Variants in SEMA3D observed in about 807,000 individuals in gnomAD.
The protein encoded by SEMA3D is semaphorin 3D, also known as semaphorin-3D.
A neutral mutation model predicts 100.1 loss-of-function variants in SEMA3D; 84 were observed. That is an observed-to-expected ratio of 0.84 (90% CI 0.70 to 1.01). The LOEUF (loss-of-function observed/expected upper bound fraction) is 1.01. Among genes scored for constraint, SEMA3D ranks in the 50% least tolerant of loss-of-function variants. SEMA3D has a pLI of 0.00. For synonymous variants in SEMA3D, 312 were observed against 320.7 expected (o/e 0.97, Z 0.29); for missense variants, 875 against 934.1 (o/e 0.94, Z 0.82).
At chr7:85,228,388 A>T in the SEMA3D span, among the ~76,000 whole-genome samples, 2 of 152,132 alleles carry the variant, frequency 1.3e-5, no homozygotes, top group Non-Finnish European at 2.9e-5. Context: ...AAAATATTTT[A>T]TCATTCACTA....
chr7:85,095,781 C>A lies in SEMA3D; in HGVS notation c.312+2024G>T, dbSNP rs185297517. ...GAAATATCAGTTATGTAGATAACAT[C>A]TAATTTCATAATGTATTCAAACAAC... On this transcript the variant is annotated intron_variant, in intron 4 of 18. Transcript: ENST00000284136. Among the ~76,000 whole-genome samples, 244 of 152,058 alleles carry A rather than the reference C, an allele frequency of 1.6e-3. 1 individual carries two copies. The highest frequency in any genetic ancestry group is 1.6e-3 in the Non-Finnish European group (112 of 67,934).
At chr7:85,244,871 C>A in the SEMA3D span, among the ~76,000 whole-genome samples, 1 of 151,868 alleles carries the variant, frequency 6.6e-6, no homozygotes, top group Non-Finnish European at 1.5e-5. Flanking sequence ...CCACCACTCC[C>A]GGCTAATTTT....
At chr7:85,243,484 A>G in the SEMA3D span, among the ~76,000 whole-genome samples, 1 of 152,112 alleles carries the variant, frequency 6.6e-6, no homozygotes, top group Admixed American at 6.6e-5. Context: ...TGCTCTGTAA[A>G]TTGTGATTCT....
chr7:85,094,902 AG>A (rs1788504704), intron 4 of SEMA3D, among the ~76,000 whole-genome samples: 2 of 151,976 alleles, frequency 1.3e-5, no homozygotes, highest in African/African-American at 4.8e-5. Flanking sequence ...TTTAAGTCTA[AG>A]TCCCTATAGA....
At chr7:85,199,736 T>A in the SEMA3D span, among the ~76,000 whole-genome samples, 1 of 152,248 alleles carries the variant, frequency 6.6e-6, no homozygotes, top group African/African-American at 2.4e-5. Context: ...TTGATACTGT[T>A]AATTTTGAAT....
intron 3 of SEMA3D, among the ~76,000 whole-genome samples, chr7:85,107,420 G>A (rs1006470852): frequency 6.6e-6 from 1 of 151,968 alleles, no homozygotes; most frequent in Non-Finnish European, 1.5e-5. Context: ...TGTTCTCTTC[G>A]ATTTCAGGTA....
At chr7:85,193,868 AC>A in the SEMA3D span, among the ~76,000 whole-genome samples, 1 of 117,412 alleles carries the variant, frequency 8.5e-6, no homozygotes. Context: ...TATAAACCAT[AC>A]TAAAGGAAAA....
intron 1 of SEMA3D, among the ~76,000 whole-genome samples, chr7:85,170,824 C>A (rs1377302555): frequency 1.3e-5 from 2 of 151,976 alleles, no homozygotes; most frequent in African/African-American, 4.8e-5. Context: ...CAAGTCCTAG[C>A]ATTTCAAGTT....
rs1789606734 is a variant in SEMA3D, at chr7:84,999,816, C to T, written c.1958G>A (p.Arg653Gln). 9 of 1,613,948 alleles carry T rather than the reference C, an allele frequency of 5.6e-6. No homozygotes were observed. The highest frequency in any genetic ancestry group is 4.5e-5 in the East Asian group (2 of 44,862). Residue 653 changes from arginine to glutamine, a missense_variant, in exon 19 of 19, where the codon CGA (arginine) becomes CAA (glutamine). Transcript: ENST00000284136. ...IIKTEYGLLI[R>Q]SLQKKDSGMY... is the part of the protein sequence containing the mutation. The stretch of plus-strand genomic sequence containing the variant: ...CCCAGAATCCTTCTTCTGCAAACTT[C>T]GAATCAGTAGCCCATATTCCGTTTT...
intron 6 of SEMA3D, 68 bp downstream of exon 6, chr7:85,072,894 A>G (rs1791814652): frequency 4.3e-5 from 56 of 1,309,000 alleles, no homozygotes; most frequent in Non-Finnish European, 5.8e-5. Flanking sequence ...TGCCTGTTTT[A>G]TGTCATAGGA....
At chr7:85,141,488 C>G (rs1288861824) in intron 2 of SEMA3D, 1 of 984,894 alleles carries the variant, frequency 1.0e-6, no homozygotes, top group Non-Finnish European at 1.2e-6. Context: ...GGACATGATG[C>G]ATGTCCTCCC....
chr7:85,082,361 T>A (rs1253389338), intron 4 of SEMA3D, among the ~76,000 whole-genome samples: 1 of 152,224 alleles, frequency 6.6e-6, no homozygotes, highest in Non-Finnish European at 1.5e-5. Flanking sequence ...GCTTTTTTCT[T>A]TCTTTTAAAT....
intron 8 of SEMA3D, among the ~76,000 whole-genome samples, chr7:85,064,564 T>C (rs1246826811): frequency 2.6e-5 from 4 of 152,138 alleles, no homozygotes; most frequent in East Asian, 1.9e-4. Flanking sequence ...GATAGAGAGA[T>C]AGACCCTAGG....
intron 2 of SEMA3D, among the ~76,000 whole-genome samples, chr7:85,149,660 A>G (rs1790311084): frequency 6.6e-6 from 1 of 152,134 alleles, no homozygotes; most frequent in Non-Finnish European, 1.5e-5. Flanking sequence ...TAAAGAAGAT[A>G]CTGAGCTTTT....
At chr7:85,126,826 C>T (rs548023806) in intron 2 of SEMA3D, among the ~76,000 whole-genome samples, 2 of 152,162 alleles carry the variant, frequency 1.3e-5, no homozygotes, top group African/African-American at 4.8e-5. Flanking sequence ...ATTATTTATT[C>T]CATTGATCAA....
At chr7:85,008,140 A>G (rs1483278747) in intron 17 of SEMA3D, among the ~76,000 whole-genome samples, 2 of 151,816 alleles carry the variant, frequency 1.3e-5, no homozygotes, top group Non-Finnish European at 2.9e-5. Context: ...GTCATGGAAA[A>G]GAAAGACATG....
chr7:85,230,547 G>A, the SEMA3D span, among the ~76,000 whole-genome samples: 23,923 of 152,126 alleles, frequency 0.16, 4,394 homozygotes, highest in African/African-American at 0.44. Flanking sequence ...AAGTCGTCCA[G>A]TATGAAGTGT....
chr7:85,141,857 TTTA>T, intron 2 of SEMA3D: 1 of 891,804 alleles, frequency 1.1e-6, no homozygotes, highest in Non-Finnish European at 1.3e-6. Flanking sequence ...AAGGGCCCAG[TTTA>T]TAAAGCCTTC....
intron 1 of SEMA3D, among the ~76,000 whole-genome samples, chr7:85,162,552 T>C (rs1309302712): frequency 6.6e-6 from 1 of 152,118 alleles, no homozygotes; most frequent in African/African-American, 2.4e-5. Flanking sequence ...AAAATGCAAC[T>C]CATGCCACAG....
Sources: gnomAD v4.1 joint callset for allele counts (sites outside exome capture counted in the v4.1 genomes callset) on GRCh38, gnomAD v4.1.1 for gene constraint, MANE v1.5 for transcripts, NCBI Gene and HGNC (gene_info 2026-07-23, HGNC 2026-07-21) for gene names.